The following NAALADL2 variants were observed in gnomAD, a reference collection of about 807,000 sequenced individuals.
NAALADL2 encodes the protein N-acetylated alpha-linked acidic dipeptidase like 2, also known as inactive N-acetylated-alpha-linked acidic dipeptidase-like protein 2.
NAALADL2 carries 76 observed loss-of-function variants against 87.2 expected under a neutral mutation model. That is an observed-to-expected ratio of 0.87 (90% CI 0.72 to 1.05). NAALADL2 has a LOEUF of 1.05. Among genes scored for constraint, NAALADL2 ranks in the 50% least tolerant of loss-of-function variants. The pLI is 0.00. For synonymous variants in NAALADL2, 354 were observed against 331.0 expected, an observed-to-expected ratio of 1.07 and a Z score of -0.75; for missense variants, 1,089 against 945.8, an observed-to-expected ratio of 1.15 and a Z score of -1.99.
intron 2 of NAALADL2, among the ~76,000 whole-genome samples, chr3:175,217,674 A>T (rs1447396096): frequency 1.3e-5 from 2 of 152,224 alleles, no homozygotes; most frequent in Non-Finnish European, 2.9e-5. Flanking sequence ...TGACTATAAG[A>T]AATATCAAAG....
At chr3:174,761,534 A>T (rs1712952879) in intron 3 of NAALADL2, among the ~76,000 whole-genome samples, 1 of 152,194 alleles carries the variant, frequency 6.6e-6, no homozygotes, top group Non-Finnish European at 1.5e-5. Context: ...AAATGGTCAT[A>T]TGTATTATGC....
At chr3:175,340,809 G>C (rs1762491143) in intron 5 of NAALADL2, among the ~76,000 whole-genome samples, 1 of 152,098 alleles carries the variant, frequency 6.6e-6, no homozygotes, top group South Asian at 2.1e-4. Context: ...GACCATAAGA[G>C]AAGCACAAGG....
chr3:174,921,444 TA>T (rs1230919137), intron 1 of NAALADL2, among the ~76,000 whole-genome samples: 1 of 152,146 alleles, frequency 6.6e-6, no homozygotes, highest in African/African-American at 2.4e-5. Context: ...CAGACAAGTA[TA>T]AAAATATTCA....
At chr3:175,621,469 C>G (rs1411305553) in intron 10 of NAALADL2, among the ~76,000 whole-genome samples, 1 of 152,146 alleles carries the variant, frequency 6.6e-6, no homozygotes, top group African/African-American at 2.4e-5. Context: ...CTGGGTTTCT[C>G]CATCTATTCA....
intron 4 of NAALADL2, among the ~76,000 whole-genome samples, chr3:175,276,738 G>T: frequency 6.6e-6 from 1 of 152,118 alleles, no homozygotes; most frequent in East Asian, 1.9e-4. Flanking sequence ...GTAGTACATA[G>T]AAATAGAATG....
At chr3:174,597,420 A>G (rs1022243346) in intron 2 of NAALADL2, among the ~76,000 whole-genome samples, 55 of 152,188 alleles carry the variant, frequency 3.6e-4, no homozygotes, top group African/African-American at 1.3e-3. Context: ...ATAGTAAACT[A>G]TTTTTATCAG....
At chr3:175,409,071 A>G (rs1712961126) in intron 5 of NAALADL2, among the ~76,000 whole-genome samples, 1 of 151,950 alleles carries the variant, frequency 6.6e-6, no homozygotes, top group African/African-American at 2.4e-5. Flanking sequence ...TATAGCCACT[A>G]TTGTATTTTC....
At chr3:175,418,162 T>C (rs546856807) in intron 5 of NAALADL2, among the ~76,000 whole-genome samples, 7 of 152,136 alleles carry the variant, frequency 4.6e-5, no homozygotes, top group Non-Finnish European at 8.8e-5. Flanking sequence ...TTTTTGAGGT[T>C]ATGATTAAAA....
At chr3:174,921,073 T>C (rs931369661) in intron 1 of NAALADL2, among the ~76,000 whole-genome samples, 1 of 152,072 alleles carries the variant, frequency 6.6e-6, no homozygotes, top group Non-Finnish European at 1.5e-5. Context: ...ATAATAATAA[T>C]GAAGAAACTA....
At chr3:175,281,755 A>G (rs1328674105) in intron 4 of NAALADL2, among the ~76,000 whole-genome samples, 1 of 151,996 alleles carries the variant, frequency 6.6e-6, no homozygotes, top group Non-Finnish European at 1.5e-5. Context: ...TTATACAAGT[A>G]TCTTATGAAT....
At chr3:174,709,619 A>G (rs983903780) in intron 2 of NAALADL2, among the ~76,000 whole-genome samples, 4 of 152,190 alleles carry the variant, frequency 2.6e-5, no homozygotes, top group African/African-American at 9.6e-5. Context: ...ATCATCTTTC[A>G]TAAACCTAAT....
chr3:175,503,059 T>C (rs1263224269), intron 9 of NAALADL2, among the ~76,000 whole-genome samples: 1 of 151,878 alleles, frequency 6.6e-6, no homozygotes, highest in Admixed American at 6.6e-5. Context: ...GGATAGGTGG[T>C]TTTTCAGTCC....
chr3:174,611,749 C>G (rs1035121302), intron 2 of NAALADL2, among the ~76,000 whole-genome samples: 1 of 151,618 alleles, frequency 6.6e-6, no homozygotes, highest in African/African-American at 2.4e-5. Context: ...TGCCGCCACG[C>G]CTGGCTAATT....
intron 10 of NAALADL2, among the ~76,000 whole-genome samples, chr3:175,578,073 G>C (rs1403749593): frequency 6.6e-6 from 1 of 151,884 alleles, no homozygotes; most frequent in Non-Finnish European, 1.5e-5. Context: ...TCATGTTAAT[G>C]GTCCAGTTAC....
chr3:175,330,539 A>T (rs1761273396), intron 5 of NAALADL2, among the ~76,000 whole-genome samples: 1 of 152,210 alleles, frequency 6.6e-6, no homozygotes, highest in Non-Finnish European at 1.5e-5. Context: ...AAGCTATAAA[A>T]ATACATGGAA....
At chr3:174,488,273 T>G (rs1717980762) in intron 1 of NAALADL2, among the ~76,000 whole-genome samples, 1 of 152,072 alleles carries the variant, frequency 6.6e-6, no homozygotes. Flanking sequence ...TTGATCTGGT[T>G]TTAAATCCAG....
chr3:174,598,093 C>A (rs181175632), intron 2 of NAALADL2, among the ~76,000 whole-genome samples: 1 of 152,174 alleles, frequency 6.6e-6, no homozygotes, highest in African/African-American at 2.4e-5. Flanking sequence ...TGTTGAAGAA[C>A]TGAATAAACT....
At chr3:175,076,083 C>G (rs755599916) in intron 1 of NAALADL2, among the ~76,000 whole-genome samples, 1 of 151,890 alleles carries the variant, frequency 6.6e-6, no homozygotes, top group South Asian at 2.1e-4. Flanking sequence ...CAAAAATTAG[C>G]CAGTTGTGGT....
At chr3:174,811,637 G>A (rs11923176) in intron 3 of NAALADL2, among the ~76,000 whole-genome samples, 39,600 of 151,970 alleles carry the variant, frequency 0.26, 5,403 homozygotes, top group East Asian at 0.43. Flanking sequence ...GACTAGGCTC[G>A]TCTCAGATGA....
Sources: allele counts gnomAD v4.1 joint callset (sites outside exome capture counted in the v4.1 genomes callset), GRCh38; gene constraint gnomAD v4.1.1; transcripts MANE v1.5; gene names NCBI Gene and HGNC (gene_info 2026-07-23, HGNC 2026-07-21).